The following ABRACL variants were observed in gnomAD, a reference collection of about 807,000 sequenced individuals.
ABRACL encodes costars family protein ABRACL.
ABRACL carries 4 observed loss-of-function variants against 7.0 expected under a neutral mutation model. That is an observed-to-expected ratio of 0.57 (90% CI 0.28 to 1.30). ABRACL has a LOEUF of 1.30. ABRACL is among the 50% of genes most tolerant of loss of function. The pLI is 0.10. For missense variants in ABRACL, 104 were observed against 97.3 expected (o/e 1.07, Z -0.29); for synonymous variants, 30 against 36.0 (o/e 0.83, Z 0.60).
At chr6:139,034,022 T>C in intron 1 of ABRACL, 133 bp from the exon 2 acceptor site, 1 of 1,245,930 alleles carries the variant, frequency 8.0e-7, no homozygotes, top group Non-Finnish European at 1.1e-6. Flanking sequence ...ATCACACAAA[T>C]ATTTTTAGGA....
In ABRACL at chr6:139,029,477, C is replaced by G. The variant is rs577555512; in HGVS notation, c.-7+602C>G. 5.5e-3 allele frequency among the ~76,000 whole-genome samples: 841 copies of G among 152,074 alleles called. 11 individuals carry two copies. Among genetic ancestry groups the G allele is most frequent in the African/African-American group, 0.02 (817 of 41,520 alleles). ...CCACGGGGGAGGCAGACCCGCGGCG[C>G]CGGGCCGGGAGCTGCGGAGACAAAG... On this transcript the variant is annotated intron_variant, in intron 1 of 2. Coordinates refer to ENST00000367660, the MANE Select transcript of ABRACL (RefSeq NM_021243.3).
chr6:139,040,189 A>G (rs66596792), intron 2 of ABRACL, among the ~76,000 whole-genome samples: 44,157 of 152,082 alleles, frequency 0.29, 7,718 homozygotes, highest in East Asian at 0.71. Context: ...TTCCACACCC[A>G]TGTGGAGGAT....
chr6:139,035,241 T>C (rs1421106087), intron 2 of ABRACL, among the ~76,000 whole-genome samples: 2 of 152,206 alleles, frequency 1.3e-5, no homozygotes, highest in African/African-American at 4.8e-5. Context: ...AATTTAGTGA[T>C]GTAAAACAAC....
chr6:139,041,423 C>G (rs1267798725), intron 2 of ABRACL, among the ~76,000 whole-genome samples: 4 of 104,502 alleles, frequency 3.8e-5, no homozygotes, highest in African/African-American at 1.5e-4. Flanking sequence ...TCCACCAGAC[C>G]CATCTCTCTC....
At chr6:139,029,734 T>C (rs1357815995) in intron 1 of ABRACL, among the ~76,000 whole-genome samples, 3 of 152,074 alleles carry the variant, frequency 2.0e-5, no homozygotes, top group African/African-American at 7.2e-5. Flanking sequence ...AGTCACCCTT[T>C]GACCCGCACC....
chr6:139,041,531 A>ATAT (rs748288046), intron 2 of ABRACL, among the ~76,000 whole-genome samples: 7,253 of 125,952 alleles, frequency 0.058, 319 homozygotes, highest in Non-Finnish European at 0.065. Context: ...ATATATATAT[A>ATAT]TTTTTTTTTA....
At chr6:139,034,021 A>G (rs3813331) in intron 1 of ABRACL, 134 bp from the exon 2 acceptor site, 132,835 of 1,239,654 alleles carry the variant, frequency 0.11, 7,636 homozygotes, top group Non-Finnish European at 0.12. Context: ...CATCACACAA[A>G]TATTTTTAGG....
intron 2 of ABRACL, among the ~76,000 whole-genome samples, chr6:139,038,003 CT>C (rs1259784930): frequency 6.6e-6 from 1 of 152,104 alleles, no homozygotes; most frequent in African/African-American, 2.4e-5. Context: ...TCTCGAACTC[CT>C]GGCCTCATGT....
intron 2 of ABRACL, among the ~76,000 whole-genome samples, chr6:139,037,129 G>C (rs1786171722): frequency 6.6e-6 from 1 of 152,192 alleles, no homozygotes; most frequent in Admixed American, 6.5e-5. Context: ...ACTCAATGAA[G>C]TCTTGCATCT....
At chr6:139,030,898 G>A (rs1786072977) in intron 1 of ABRACL, among the ~76,000 whole-genome samples, 1 of 152,216 alleles carries the variant, frequency 6.6e-6, no homozygotes, top group Non-Finnish European at 1.5e-5. Flanking sequence ...TAAGGAGCCT[G>A]ATGTGTAATT....
At chr6:139,033,081 A>T (rs1340635340) in intron 1 of ABRACL, among the ~76,000 whole-genome samples, 1 of 152,182 alleles carries the variant, frequency 6.6e-6, no homozygotes, top group African/African-American at 2.4e-5. Context: ...CTGGAGCAGG[A>T]TGTGTGTGAA....
intron 2 of ABRACL, among the ~76,000 whole-genome samples, chr6:139,041,477 ATT>A (rs1319734034): frequency 1.0e-5 from 1 of 99,106 alleles, no homozygotes; most frequent in Non-Finnish European, 2.1e-5. Flanking sequence ...ATATTTCTAT[ATT>A]TCTATATATA....
chr6:139,034,614 T>G (rs1435635930), intron 2 of ABRACL: 10 of 444,406 alleles, frequency 2.3e-5, no homozygotes, highest in Non-Finnish European at 3.9e-5. Context: ...CAAATCATCT[T>G]ATCTAAAATA....
intron 2 of ABRACL, 113 bp downstream of exon 2, chr6:139,034,334 TG>T: frequency 1.3e-6 from 2 of 1,593,754 alleles, no homozygotes; most frequent in Non-Finnish European, 1.7e-6. Context: ...GACACAGGTC[TG>T]GGAGCTCTGC....
intron 2 of ABRACL, among the ~76,000 whole-genome samples, chr6:139,041,445 C>CTATA (rs1465820185): frequency 3.3e-3 from 230 of 69,046 alleles, no homozygotes; most frequent in African/African-American, 8.0e-3. Context: ...CTCTCTCTCT[C>CTATA]TCTCTCTATA....
At chr6:139,034,304 G>C in intron 2 of ABRACL, 83 bp downstream of exon 2, 1 of 1,612,034 alleles carries the variant, frequency 6.2e-7, no homozygotes, top group African/African-American at 1.3e-5. Context: ...AGCCTATGAA[G>C]GGGTCACCCA....
chr6:139,033,140 A>G (rs1230340272), intron 1 of ABRACL, among the ~76,000 whole-genome samples: 1 of 152,194 alleles, frequency 6.6e-6, no homozygotes, highest in African/African-American at 2.4e-5. Flanking sequence ...AAGCCACAGT[A>G]TGTGTGAAGG....
At chr6:139,038,066 T>C (rs1786191622) in intron 2 of ABRACL, among the ~76,000 whole-genome samples, 2 of 152,118 alleles carry the variant, frequency 1.3e-5, no homozygotes, top group Non-Finnish European at 2.9e-5. Context: ...CATGAGCTGC[T>C]GGGCCCAGCC....
At chr6:139,032,736 A>G (rs959143814) in intron 1 of ABRACL, among the ~76,000 whole-genome samples, 38 of 152,232 alleles carry the variant, frequency 2.5e-4, no homozygotes, top group African/African-American at 8.9e-4. Flanking sequence ...TGAAAAAATT[A>G]TGATTTGAAA....
Sources: allele counts gnomAD v4.1 joint callset (sites outside exome capture counted in the v4.1 genomes callset), GRCh38; gene constraint gnomAD v4.1.1; transcripts MANE v1.5; gene names NCBI Gene and HGNC (gene_info 2026-07-23, HGNC 2026-07-21).